The following HS2ST1 variants were observed in gnomAD, a reference collection of about 807,000 sequenced individuals.
The protein encoded by HS2ST1 is heparan sulfate 2-O-sulfotransferase 1.
In HS2ST1, 18 loss-of-function variants were observed where a neutral mutation model predicts 42.9. The ratio of observed to expected loss-of-function variants is 0.42; its 90% CI spans 0.29 to 0.62. The LOEUF is 0.62. Among genes scored for constraint, HS2ST1 ranks in the 20% least tolerant of loss-of-function variants. HS2ST1 has a pLI of 0.21. For synonymous variants in HS2ST1, 146 were observed against 152.9 expected (o/e 0.95, Z 0.33); for missense variants, 334 against 433.8 (o/e 0.77, Z 2.04).
intron 1 of HS2ST1, among the ~76,000 whole-genome samples, chr1:86,979,584 AT>A: frequency 6.6e-6 from 1 of 152,180 alleles, no homozygotes; most frequent in Admixed American, 6.5e-5. Context: ...ATGTATACAC[AT>A]TTTGTTAATC....
chr1:86,995,740 C>A (rs1649078533), intron 1 of HS2ST1, among the ~76,000 whole-genome samples: 1 of 152,004 alleles, frequency 6.6e-6, no homozygotes, highest in African/African-American at 2.4e-5. Flanking sequence ...GAGAGACAAG[C>A]TTCTGCCTTC....
At chr1:87,024,730 G>C (rs1650042668) in intron 1 of HS2ST1, among the ~76,000 whole-genome samples, 1 of 152,130 alleles carries the variant, frequency 6.6e-6, no homozygotes, top group South Asian at 2.1e-4. Context: ...GGTGACAATT[G>C]CCATTGAAAT....
chr1:87,088,853 C>T (rs1234244082), intron 3 of HS2ST1, among the ~76,000 whole-genome samples: 2 of 151,998 alleles, frequency 1.3e-5, no homozygotes, highest in Non-Finnish European at 2.9e-5. Context: ...CAAATACCAA[C>T]AGGTCATTCA....
chr1:87,022,454 C>T (rs1649977573), intron 1 of HS2ST1, among the ~76,000 whole-genome samples: 1 of 152,168 alleles, frequency 6.6e-6, no homozygotes, highest in Admixed American at 6.5e-5. Flanking sequence ...AGATTAGGAG[C>T]ACAACACTCA....
intron 1 of HS2ST1, among the ~76,000 whole-genome samples, chr1:87,014,040 C>T (rs1265151699): frequency 6.6e-6 from 1 of 152,188 alleles, no homozygotes; most frequent in Non-Finnish European, 1.5e-5. Context: ...ATCTTTCTGT[C>T]TTCTGAGCCC....
At chr1:86,941,553 G>T (rs1224579823) in intron 1 of HS2ST1, among the ~76,000 whole-genome samples, 1 of 151,966 alleles carries the variant, frequency 6.6e-6, no homozygotes, top group African/African-American at 2.4e-5. Flanking sequence ...GGGTGGATCA[G>T]TTGAGGTCAG....
chr1:86,944,145 T>A (rs1647262417), intron 1 of HS2ST1, among the ~76,000 whole-genome samples: 1 of 152,094 alleles, frequency 6.6e-6, no homozygotes, highest in African/African-American at 2.4e-5. Context: ...CTTATGCAAA[T>A]ACCCTAAAAT....
At chr1:86,919,720 A>G (rs1359005382) in intron 1 of HS2ST1, among the ~76,000 whole-genome samples, 1 of 152,200 alleles carries the variant, frequency 6.6e-6, no homozygotes, top group Non-Finnish European at 1.5e-5. Context: ...TTTAATGGCA[A>G]GGATCACAGA....
intron 1 of HS2ST1, among the ~76,000 whole-genome samples, chr1:86,933,116 A>G (rs905304326): frequency 6.6e-6 from 1 of 152,112 alleles, no homozygotes; most frequent in South Asian, 2.1e-4. Flanking sequence ...GTTTTTTCAT[A>G]TGGATTCTTT....
intron 3 of HS2ST1, among the ~76,000 whole-genome samples, chr1:87,088,265 A>G (rs921620033): frequency 1.4e-4 from 21 of 152,058 alleles, no homozygotes; most frequent in African/African-American, 4.1e-4. Context: ...ATGACACCCA[A>G]ACAAGAAACT....
chr1:87,012,111 A>G (rs1252125704), intron 1 of HS2ST1, among the ~76,000 whole-genome samples: 2 of 152,116 alleles, frequency 1.3e-5, no homozygotes, highest in South Asian at 2.1e-4. Context: ...AAGGTGTTCT[A>G]CTTTTTTTTC....
chr1:87,080,764 G>T (rs1427070691), intron 2 of HS2ST1, among the ~76,000 whole-genome samples: 2 of 152,182 alleles, frequency 1.3e-5, no homozygotes, highest in Non-Finnish European at 2.9e-5. Flanking sequence ...TGCACCCTGG[G>T]TAGGGGGAGA....
At chr1:86,957,678 G>A (rs1426521449) in intron 1 of HS2ST1, among the ~76,000 whole-genome samples, 2 of 151,766 alleles carry the variant, frequency 1.3e-5, no homozygotes, top group Non-Finnish European at 2.9e-5. Context: ...AAAAAAAAAT[G>A]TAATAATGTA....
At chr1:87,080,193 T>C (rs1570534890) in intron 2 of HS2ST1, among the ~76,000 whole-genome samples, 1 of 152,206 alleles carries the variant, frequency 6.6e-6, no homozygotes, top group South Asian at 2.1e-4. Flanking sequence ...CAACCAGGAG[T>C]ACTCAGCAAT....
rs1029047245 is a variant in HS2ST1 at position 87,081,176 on chromosome 1, ATAT to A, written c.364-3017_364-3015del. Among the ~76,000 whole-genome samples the A allele has an allele frequency of 4.3e-4, 66 of 152,326 alleles. 1 individual carries two copies. The highest frequency in any genetic ancestry group is 3.5e-3 in the Admixed American group (54 of 15,300). The stretch of plus-strand genomic sequence containing the variant: ...ACCCAGACAGAAAAACCACAAAGAA[ATAT>A]CATACTTAATCTGCAGCTTACACCA... On this transcript the variant is annotated intron_variant, in intron 2 of 6. Transcript: ENST00000370550.
intron 1 of HS2ST1, among the ~76,000 whole-genome samples, chr1:87,003,252 G>A (rs1196471707): frequency 6.6e-6 from 1 of 151,414 alleles, no homozygotes; most frequent in Non-Finnish European, 1.5e-5. Flanking sequence ...TATCTGTTTT[G>A]TGTTAGGTAT....
At chr1:87,103,303 A>T (rs1288439636) in intron 5 of HS2ST1, 129 bp from the exon 6 acceptor site, 1 of 746,166 alleles carries the variant, frequency 1.3e-6, no homozygotes, top group Admixed American at 3.3e-5. Context: ...CAGGATGGTA[A>T]TAAAGAGGCA....
chr1:86,922,311 A>G (rs951626636), intron 1 of HS2ST1, among the ~76,000 whole-genome samples: 6 of 151,838 alleles, frequency 4.0e-5, no homozygotes, highest in Non-Finnish European at 7.4e-5. Context: ...CATGAGTCCT[A>G]CAATACATTA....
rs866200318 is a variant in HS2ST1, at chr1:86,985,407, T to C, written c.124+70247T>C. Among the ~76,000 whole-genome samples, 123 of 31,962 alleles carry C rather than the reference T, an allele frequency of 3.8e-3. 6 individuals carry two copies. Among genetic ancestry groups the C allele is most frequent in the South Asian group, 7.5e-3 (4 of 530 alleles). 21.0% of individuals were successfully genotyped at this position (31,962 alleles called of 152,430 possible). A position where few individuals can be genotyped will look rare whatever the true frequency, so the allele number is the denominator to read the frequency against. On this transcript the variant is annotated intron_variant, in intron 1 of 6. Transcript: ENST00000370550. ...ATACACACACACACACACATATATA[T>C]ACACATATATATACACATATATACA...
Sources: gnomAD v4.1 joint callset for allele counts (sites outside exome capture counted in the v4.1 genomes callset) on GRCh38, gnomAD v4.1.1 for gene constraint, MANE v1.5 for transcripts, NCBI Gene and HGNC (gene_info 2026-07-23, HGNC 2026-07-21) for gene names.